NDUFA10: variants seen among roughly 807,000 people sequenced by gnomAD.
NDUFA10 encodes NADH dehydrogenase [ubiquinone] 1 alpha subcomplex subunit 10, mitochondrial.
In NDUFA10, 40 loss-of-function variants were observed where a neutral mutation model predicts 47.8. That is an observed-to-expected ratio of 0.84 (90% CI 0.65 to 1.09). NDUFA10 has a LOEUF of 1.09. Among genes scored for constraint, NDUFA10 ranks in the 50% least tolerant of loss-of-function variants. The probability of loss-of-function intolerance (pLI) is 0.00; values close to 1 mark genes in which losing one functional copy is unlikely to be tolerated. For missense variants in NDUFA10, 413 were observed against 451.1 expected, an observed-to-expected ratio of 0.92 and a Z score of 0.76; for synonymous variants, 183 against 172.2, an observed-to-expected ratio of 1.06 and a Z score of -0.49.
At chr2:239,943,376 G>A (rs534106994) in intron 4 of NDUFA10, among the ~76,000 whole-genome samples, 2 of 152,122 alleles carry the variant, frequency 1.3e-5, no homozygotes, top group African/African-American at 4.8e-5. Flanking sequence ...TGCCACACAG[G>A]CTGGATGGAG....
chr2:239,968,128 G>A (rs1250812886), intron 9 of NDUFA10, among the ~76,000 whole-genome samples: 1 of 152,214 alleles, frequency 6.6e-6, no homozygotes, highest in East Asian at 1.9e-4. Flanking sequence ...CTAGAAATGA[G>A]TTGGAATGTG....
chr2:239,916,416 G>A (rs940009617), intron 4 of NDUFA10, among the ~76,000 whole-genome samples: 13 of 150,886 alleles, frequency 8.6e-5, no homozygotes, highest in African/African-American at 1.9e-4. Context: ...ACACAGTAGC[G>A]CACACACACA....
intron 8 of NDUFA10, among the ~76,000 whole-genome samples, chr2:239,995,351 G>A (rs146098931): frequency 5.3e-5 from 8 of 152,212 alleles, no homozygotes; most frequent in East Asian, 1.9e-4. Context: ...CTGTGCCGTC[G>A]GTACCTGCAG....
chr2:239,914,189 CAGACACACACAAATAT>C (rs1425520940), intron 4 of NDUFA10, among the ~76,000 whole-genome samples: 5,315 of 150,664 alleles, frequency 0.035, 318 homozygotes, highest in African/African-American at 0.12. Flanking sequence ...CACACATACA[CAGACACACACAAATAT>C]AGACACACAC....
intron 1 of NDUFA10, among the ~76,000 whole-genome samples, chr2:240,022,607 G>A (rs1001430714): frequency 3.7e-5 from 5 of 135,758 alleles, no homozygotes; most frequent in Middle Eastern, 3.3e-3. Flanking sequence ...TATTAAATAT[G>A]TTTACTATGT....
chr2:239,944,743 CG>C (rs1402817077), intron 4 of NDUFA10, among the ~76,000 whole-genome samples: 1 of 152,160 alleles, frequency 6.6e-6, no homozygotes, highest in Non-Finnish European at 1.5e-5. Context: ...GGCCTCTGCT[CG>C]CTCGTTAGCC....
intron 9 of NDUFA10, among the ~76,000 whole-genome samples, chr2:239,984,541 T>C (rs1378059141): frequency 6.6e-6 from 1 of 152,230 alleles, no homozygotes; most frequent in African/African-American, 2.4e-5. Context: ...TAGATTCTCT[T>C]TAATGCTCAC....
chr2:239,902,256 CTTATT>C (rs992247105), intron 4 of NDUFA10, among the ~76,000 whole-genome samples: 1 of 152,182 alleles, frequency 6.6e-6, no homozygotes, highest in Non-Finnish European at 1.5e-5. Flanking sequence ...TCATTGTTGT[CTTATT>C]TTAAGAAGTT....
At chr2:239,957,246 C>T (rs1694678397), downstream of NDUFA10, 1 of 152,246 alleles carries the variant, frequency 6.6e-6, no homozygotes, top group Non-Finnish European at 1.5e-5. Flanking sequence ...GAGATGCTGC[C>T]CGGGATGCAG....
chr2:239,979,446 C>T (rs1237031578), intron 9 of NDUFA10, among the ~76,000 whole-genome samples: 2 of 152,166 alleles, frequency 1.3e-5, no homozygotes, highest in Non-Finnish European at 2.9e-5. Flanking sequence ...CTCAGCAGCC[C>T]GCTCCCCACC....
chr2:239,944,953 C>T (rs1027636198), intron 4 of NDUFA10, among the ~76,000 whole-genome samples: 7 of 144,422 alleles, frequency 4.8e-5, no homozygotes, highest in African/African-American at 1.2e-4. Context: ...CTGCACCCCG[C>T]GCCCAGAGCT....
intron 9 of NDUFA10, among the ~76,000 whole-genome samples, chr2:239,986,183 T>C (rs901580228): frequency 6.6e-6 from 1 of 152,104 alleles, no homozygotes; most frequent in African/African-American, 2.4e-5. Context: ...ACAGTGAAGT[T>C]TGGAAGCACT....
intron 4 of NDUFA10, among the ~76,000 whole-genome samples, chr2:239,924,475 A>G (rs1183645143): frequency 6.6e-6 from 1 of 152,114 alleles, no homozygotes; most frequent in Non-Finnish European, 1.5e-5. Flanking sequence ...GATGCAGAAA[A>G]TGTACTTGAC....
chr2:239,907,028 T>C (rs141944480), intron 4 of NDUFA10, among the ~76,000 whole-genome samples: 3,213 of 152,194 alleles, frequency 0.021, 120 homozygotes, highest in African/African-American at 0.073. Context: ...GCTACAGTAA[T>C]CAAAACAGCA....
chr2:239,995,064 T>C (rs2106452160), intron 8 of NDUFA10, among the ~76,000 whole-genome samples: 2 of 152,210 alleles, frequency 1.3e-5, no homozygotes, highest in South Asian at 4.1e-4. Context: ...CACTTGAGAT[T>C]AGGAGTTTGT....
intron 4 of NDUFA10, among the ~76,000 whole-genome samples, chr2:239,897,958 A>G (rs1020149190): frequency 2.2e-4 from 33 of 152,120 alleles, no homozygotes; most frequent in African/African-American, 8.0e-4. Flanking sequence ...TCCTTTCATC[A>G]GCAGGACACT....
At chr2:239,989,152 T>G (rs1311209655) in intron 9 of NDUFA10, among the ~76,000 whole-genome samples, 1 of 152,222 alleles carries the variant, frequency 6.6e-6, no homozygotes, top group Non-Finnish European at 1.5e-5. Flanking sequence ...CTCTGAGAGA[T>G]ATCTTTATGG....
Position 239,961,089 on chromosome 2 carries a change from T to A in NDUFA10, c.*29A>T. ...GGCTGATGCAGCTTGGCCATCACTG[T>A]GATGCAGCTGGAGCAGAAGGCGGCC... On this transcript the variant is annotated 3_prime_UTR_variant, in exon 10 of 10. Transcript: ENST00000252711. 6.2e-7 allele frequency: 1 copy of A among 1,613,956 alleles called. No homozygotes were observed.
intron 6 of NDUFA10, among the ~76,000 whole-genome samples, chr2:240,008,910 C>G (rs1697042341): frequency 6.6e-6 from 1 of 152,220 alleles, no homozygotes; most frequent in South Asian, 2.1e-4. Context: ...ATAAAACCGC[C>G]TCCGTCCAGT....
Sources: allele counts gnomAD v4.1 joint callset (sites outside exome capture counted in the v4.1 genomes callset), GRCh38; gene constraint gnomAD v4.1.1; transcripts MANE v1.5; gene names NCBI Gene and HGNC (gene_info 2026-07-23, HGNC 2026-07-21).